SPON1: variants seen among roughly 807,000 people sequenced by gnomAD.
The protein encoded by SPON1 is spondin-1.
Under a neutral mutation model 111.7 loss-of-function variants are expected in SPON1, and 52 were observed. The observed-to-expected ratio is 0.47, with a 90% CI of 0.37 to 0.59. The LOEUF (loss-of-function observed/expected upper bound fraction) is 0.59. Among genes scored for constraint, SPON1 ranks in the 20% least tolerant of loss-of-function variants. SPON1 has a pLI of 0.00. For missense variants in SPON1, 957 were observed against 1,068.5 expected (o/e 0.90, Z 1.46); for synonymous variants, 410 against 395.8 (o/e 1.04, Z -0.43).
At chr11:13,969,213 T>TAAAAAAA (rs1322316788) in intron 1 of SPON1, among the ~76,000 whole-genome samples, 1 of 33,114 alleles carries the variant, frequency 3.0e-5, no homozygotes, top group Admixed American at 3.6e-4. Flanking sequence ...AACCCATCTC[T>TAAAAAAA]ACAAAAAAAA....
chr11:14,050,027 C>T (rs1010235876), intron 3 of SPON1, among the ~76,000 whole-genome samples: 5 of 152,298 alleles, frequency 3.3e-5, no homozygotes, highest in African/African-American at 9.6e-5. Flanking sequence ...ACTCAGGGTG[C>T]TTAGGCAGCC....
At chr11:14,218,123 C>T (rs1848644209) in intron 6 of SPON1, among the ~76,000 whole-genome samples, 1 of 152,164 alleles carries the variant, frequency 6.6e-6, no homozygotes, top group Non-Finnish European at 1.5e-5. Flanking sequence ...ATAATTTGTG[C>T]TGAAACAAAT....
chr11:14,031,418 A>G (rs1848558302), intron 2 of SPON1, among the ~76,000 whole-genome samples: 1 of 152,190 alleles, frequency 6.6e-6, no homozygotes. Flanking sequence ...CTAAATCTTT[A>G]CAGTTTAGAA....
intron 1 of SPON1, among the ~76,000 whole-genome samples, chr11:13,978,074 G>A (rs782526661): frequency 1.3e-5 from 2 of 152,090 alleles, no homozygotes; most frequent in African/African-American, 2.4e-5. Flanking sequence ...CTGTATATTT[G>A]TGGAACTTTC....
chr11:14,023,926 C>T (rs953340801), intron 2 of SPON1, among the ~76,000 whole-genome samples: 6 of 150,896 alleles, frequency 4.0e-5, no homozygotes, highest in Non-Finnish European at 7.4e-5. Context: ...CACTTGAACC[C>T]GGGAGGCCGA....
At chr11:14,107,319 C>T (rs903301469) in intron 5 of SPON1, among the ~76,000 whole-genome samples, 7 of 152,122 alleles carry the variant, frequency 4.6e-5, no homozygotes, top group African/African-American at 1.7e-4. Flanking sequence ...TATCCGCCCA[C>T]ACACATTGAT....
chr11:14,017,325 A>C (rs1210208038), intron 2 of SPON1, among the ~76,000 whole-genome samples: 1 of 151,972 alleles, frequency 6.6e-6, no homozygotes, highest in Non-Finnish European at 1.5e-5. Flanking sequence ...CTTTAATTTA[A>C]AAAAAAATCA....
chr11:13,966,572 C>T (rs1554908047), intron 1 of SPON1, among the ~76,000 whole-genome samples: 2 of 152,112 alleles, frequency 1.3e-5, no homozygotes, highest in African/African-American at 2.4e-5. Context: ...AAAGAATGTC[C>T]AGTAGAGGTT....
chr11:14,031,023 C>G (rs968953995), intron 2 of SPON1, among the ~76,000 whole-genome samples: 6 of 152,172 alleles, frequency 3.9e-5, no homozygotes, highest in African/African-American at 1.4e-4. Context: ...TACTACATAG[C>G]TATAAATAAT....
At chr11:14,137,782 A>G (rs1554928285) in intron 6 of SPON1, among the ~76,000 whole-genome samples, 1 of 152,170 alleles carries the variant, frequency 6.6e-6, no homozygotes, top group Non-Finnish European at 1.5e-5. Context: ...GCCTACCTGT[A>G]TAATTTCCCT....
intron 6 of SPON1, among the ~76,000 whole-genome samples, chr11:14,178,425 A>C (rs1212680657): frequency 6.6e-6 from 1 of 151,406 alleles, no homozygotes; most frequent in African/African-American, 2.4e-5. Context: ...CCGTCTCAAA[A>C]AAAAAAAAAA....
At chr11:14,176,255 G>C (rs781884669) in intron 6 of SPON1, among the ~76,000 whole-genome samples, 7 of 152,140 alleles carry the variant, frequency 4.6e-5, no homozygotes, top group Non-Finnish European at 7.3e-5. Flanking sequence ...AGATGAGACA[G>C]ACAGAAGGCC....
At position 14,142,560 on chromosome 11, in the gene SPON1, A is replaced by C. The variant is rs2133864211; in HGVS notation, c.825+6992A>C. On this transcript the variant is annotated intron_variant, in intron 6 of 15. Transcript: ENST00000576479. ...AAAACTCCACGCCCATTCCCAACTC[A>C]CTGCTTTGCACATGCTCCCTCCCTT... Among the ~76,000 whole-genome samples the C allele has an allele frequency of 2.0e-5, 3 of 152,188 alleles. No homozygotes were observed. The Middle Eastern group carries it at 0.01, about 518-fold the overall frequency.
intron 6 of SPON1, among the ~76,000 whole-genome samples, chr11:14,151,811 A>T (rs572370795): frequency 6.6e-6 from 1 of 152,338 alleles, no homozygotes; most frequent in South Asian, 2.1e-4. Flanking sequence ...TCTCATGGAG[A>T]GATAGTCTGC....
intron 2 of SPON1, among the ~76,000 whole-genome samples, chr11:13,999,168 A>G (rs1564882765): frequency 6.6e-6 from 1 of 152,200 alleles, no homozygotes; most frequent in Non-Finnish European, 1.5e-5. Flanking sequence ...GAGAATTTTT[A>G]ATACTATAAA....
intron 2 of SPON1, among the ~76,000 whole-genome samples, chr11:14,009,873 A>C (rs1848390695): frequency 6.6e-6 from 1 of 152,142 alleles, no homozygotes. Flanking sequence ...AGCCCTCATC[A>C]CTTAATCACT....
rs532562473 is a variant in SPON1 at position 14,265,879 on chromosome 11, G to A, written c.*192G>A. 65 of 583,546 alleles carry A rather than the reference G, an allele frequency of 1.1e-4. No individual in the cohort carries two copies. Among genetic ancestry groups the A allele is most frequent in the Middle Eastern group, 9.7e-4 (2 of 2,054 alleles). 36.1% of individuals were successfully genotyped at this position (583,546 alleles called of 1,614,324 possible). A position where few individuals can be genotyped will look rare whatever the true frequency, so the allele number is the denominator to read the frequency against. ...TTGATGGGTACAGGCTGAGTGGGGC[G>A]CCCTCACCTCCAGCCAGCCTCTTCC... On this transcript the variant is annotated 3_prime_UTR_variant, in exon 16 of 16. Transcript: ENST00000576479.
chr11:14,201,517 G>A (rs573584412), intron 6 of SPON1, among the ~76,000 whole-genome samples: 1 of 151,766 alleles, frequency 6.6e-6, no homozygotes, highest in South Asian at 2.1e-4. Context: ...TCCCACCTCA[G>A]CCTCCCAGGT....
At chr11:14,139,086 A>G (rs893629646) in intron 6 of SPON1, among the ~76,000 whole-genome samples, 3 of 152,128 alleles carry the variant, frequency 2.0e-5, no homozygotes, top group Non-Finnish European at 4.4e-5. Flanking sequence ...CCTAAGATAA[A>G]GTCCAAATTC....
Sources: gnomAD v4.1 joint callset for allele counts (sites outside exome capture counted in the v4.1 genomes callset) on GRCh38, gnomAD v4.1.1 for gene constraint, MANE v1.5 for transcripts, NCBI Gene and HGNC (gene_info 2026-07-23, HGNC 2026-07-21) for gene names.